The following PCSK5 variants were observed in gnomAD, a reference collection of about 807,000 sequenced individuals.
PCSK5 encodes the protein proprotein convertase subtilisin/kexin type 5.
A neutral mutation model predicts 233.2 loss-of-function variants in PCSK5; 129 were observed. The ratio of observed to expected loss-of-function variants is 0.55; its 90% confidence interval spans 0.48 to 0.64. The LOEUF is 0.64. Ranked by LOEUF, PCSK5 falls within the 30% of genes least tolerant of loss-of-function variation. The pLI, the probability that PCSK5 is intolerant of heterozygous loss-of-function variation, is 0.00. For missense variants in PCSK5, 2,076 were observed against 2,430.1 expected (o/e 0.85, Z 3.06); for synonymous variants, 825 against 879.2 (o/e 0.94, Z 1.09).
intron 3 of PCSK5, among the ~76,000 whole-genome samples, chr9:76,009,689 T>C (rs1827645710): frequency 6.6e-6 from 1 of 151,334 alleles, no homozygotes; most frequent in Admixed American, 6.6e-5. Flanking sequence ...AGGTGGAGTG[T>C]ATATATATAT....
intron 9 of PCSK5, among the ~76,000 whole-genome samples, chr9:76,109,472 A>G (rs1301386080): frequency 6.6e-6 from 1 of 150,884 alleles, no homozygotes; most frequent in Non-Finnish European, 1.5e-5. Context: ...TCACGATTTA[A>G]GCTGAAATGC....
chr9:76,189,055 G>A, intron 18 of PCSK5, 39 bp from the exon 19 acceptor site: 11 of 1,604,422 alleles, frequency 6.9e-6, no homozygotes, highest in Non-Finnish European at 9.4e-6. Flanking sequence ...CTCCTCTGAG[G>A]TTTTATTTCT....
chr9:75,994,301 A>G (rs1587471810), intron 3 of PCSK5, among the ~76,000 whole-genome samples: 1 of 148,562 alleles, frequency 6.7e-6, no homozygotes, highest in South Asian at 2.2e-4. Context: ...CTTCCCCACC[A>G]CTACCTTTAG....
rs11324176 is a variant in PCSK5, at chr9:76,083,204, C to CAA, written c.894+11328_894+11329dup. Among the ~76,000 whole-genome samples, 553 of 74,768 alleles carry CAA rather than the reference C, an allele frequency of 7.4e-3. 1 individual carries two copies. Among genetic ancestry groups the CAA allele is most frequent in the African/African-American group, 0.012 (238 of 19,396 alleles). 49.1% of individuals were successfully genotyped at this position (74,768 alleles called of 152,430 possible). A position where few individuals can be genotyped will look rare whatever the true frequency, so the allele number is the denominator to read the frequency against. ...AGCCTGGGCAACAGAAGCGAGATCT[C>CAA]AAAAAAAAAAAAAAAAAAAAAAAGA... On this transcript the variant is annotated intron_variant, in intron 7 of 37. Transcript: ENST00000674117.
chr9:75,931,396 G>A (rs568142712), intron 1 of PCSK5, among the ~76,000 whole-genome samples: 1 of 152,210 alleles, frequency 6.6e-6, no homozygotes, highest in East Asian at 1.9e-4. Context: ...AAGCATGTGA[G>A]TGTCAAAGAA....
intron 8 of PCSK5, among the ~76,000 whole-genome samples, chr9:76,103,583 A>T (rs1831852756): frequency 6.6e-6 from 1 of 152,232 alleles, no homozygotes; most frequent in Non-Finnish European, 1.5e-5. Flanking sequence ...AGAAAAAGTG[A>T]TGGTTCATCT....
Position 76,173,496 on chromosome 9 carries a change from C to CTTTTTTTTTTTTTTTTTTTTTTTTTT in PCSK5, c.1757-1479_1757-1454dup, listed in dbSNP as rs59248860. Among the ~76,000 whole-genome samples, 116 of 60,992 alleles carry CTTTTTTTTTTTTTTTTTTTTTTTTTT rather than the reference C, an allele frequency of 1.9e-3. 21 individuals carry two copies. The highest frequency in any genetic ancestry group is 2.9e-3 in the Non-Finnish European group (88 of 30,122). 40.0% of individuals were successfully genotyped at this position (60,992 alleles called of 152,430 possible). On this transcript the variant is annotated intron_variant, in intron 13 of 37. Coordinates refer to ENST00000674117, the MANE Select transcript of PCSK5 (RefSeq NM_001372043.1). Reference sequence around the variant, plus strand: ...CTTTAATGAAATGGAGGCACGTTTCCTTTTTTTTTTTTTTTTTTTTTTTTT... The same window carrying CTTTTTTTTTTTTTTTTTTTTTTTTTT: ...CTTTAATGAAATGGAGGCACGTTTCCTTTTTTTTTTTTTTTTTTTTTTTTTTTTTTTTTTTTTTTTTTTTTTTTTTT...
intron 1 of PCSK5, among the ~76,000 whole-genome samples, chr9:75,900,644 A>C (rs1189478524): frequency 7.1e-6 from 1 of 140,394 alleles, no homozygotes; most frequent in East Asian, 2.1e-4. Context: ...ATGCCACTGC[A>C]CTCCAGCCTG....
intron 5 of PCSK5, among the ~76,000 whole-genome samples, chr9:76,052,447 C>T (rs758558409): frequency 5.9e-5 from 9 of 152,168 alleles, no homozygotes; most frequent in Non-Finnish European, 1.0e-4. Flanking sequence ...TGGCAACAGG[C>T]AAGAGAGTGT....
intron 34 of PCSK5, among the ~76,000 whole-genome samples, chr9:76,334,920 A>G (rs761101389): frequency 2.0e-5 from 3 of 152,102 alleles, no homozygotes; most frequent in Non-Finnish European, 4.4e-5. Context: ...TCTATTAACA[A>G]TACAAAAATT....
At chr9:76,263,321 A>G (rs1827237259) in intron 24 of PCSK5, among the ~76,000 whole-genome samples, 1 of 152,222 alleles carries the variant, frequency 6.6e-6, no homozygotes, top group South Asian at 2.1e-4. Flanking sequence ...ATAAAGACAC[A>G]TGCACACGTA....
At chr9:76,241,028 A>G (rs912041740) in intron 24 of PCSK5, among the ~76,000 whole-genome samples, 1 of 152,228 alleles carries the variant, frequency 6.6e-6, no homozygotes, top group Non-Finnish European at 1.5e-5. Flanking sequence ...TCAAGGTGAC[A>G]CATTTGGAAG....
At chr9:76,037,501 A>C (rs1828914386) in intron 5 of PCSK5, among the ~76,000 whole-genome samples, 1 of 152,210 alleles carries the variant, frequency 6.6e-6, no homozygotes, top group Non-Finnish European at 1.5e-5. Context: ...ATAAGGTTTT[A>C]GTCTAATTCT....
intron 16 of PCSK5, among the ~76,000 whole-genome samples, chr9:76,183,004 C>G (rs1310319101): frequency 6.6e-6 from 1 of 152,156 alleles, no homozygotes; most frequent in Non-Finnish European, 1.5e-5. Flanking sequence ...TGGGTAAGGA[C>G]TCTGCCTTTC....
intron 32 of PCSK5, among the ~76,000 whole-genome samples, 194 bp downstream of exon 32, chr9:76,323,482 C>T (rs901629777): frequency 1.3e-5 from 2 of 152,134 alleles, no homozygotes; most frequent in Non-Finnish European, 2.9e-5. Context: ...CTCCTGGGCT[C>T]AAGTGATCCT....
In PCSK5 at chr9:75,994,396, CTTTCTTTTTTTTTTTTTTTTTTTTTTTT is replaced by C. The variant is rs1269104886; in HGVS notation, c.411+8155_411+8182del. Among the ~76,000 whole-genome samples the C allele has an allele frequency of 7.3e-4, 50 of 68,326 alleles. 2 individuals are homozygous for C. The highest frequency in any genetic ancestry group is 2.4e-3 in the African/African-American group (44 of 18,544). 44.8% of individuals were successfully genotyped at this position (68,326 alleles called of 152,430 possible). ...CCCAGTTTCTTTCTTTTCTTTCTTTCTTTCTTTTTTTTTTTTTTTTTTTTTTTTTTTTTTTTTTTTTTTTTTGAGATGG... is the reference window on the plus strand; with the variant it reads ...CCCAGTTTCTTTCTTTTCTTTCTTTCTTTTTTTTTTTTTTTTTTGAGATGG... On this transcript the variant is annotated intron_variant, in intron 3 of 37. Coordinates refer to ENST00000674117, the MANE Select transcript of PCSK5 (RefSeq NM_001372043.1).
At chr9:75,989,217 A>G (rs1826658999) in intron 3 of PCSK5, among the ~76,000 whole-genome samples, 2 of 152,178 alleles carry the variant, frequency 1.3e-5, no homozygotes, top group South Asian at 4.1e-4. Flanking sequence ...CCTCAACTGT[A>G]ACATAAAAGT....
intron 12 of PCSK5, among the ~76,000 whole-genome samples, chr9:76,166,726 T>A (rs1464084838): frequency 1.3e-5 from 2 of 152,242 alleles, no homozygotes; most frequent in African/African-American, 4.8e-5. Context: ...AATGGCACCA[T>A]GGCCTCAACG....
intron 36 of PCSK5, 101 bp from the exon 37 acceptor site, chr9:76,353,932 A>T (rs965581862): frequency 1.2e-6 from 1 of 821,038 alleles, no homozygotes; most frequent in Non-Finnish European, 1.9e-6. Flanking sequence ...TCCCCCACAC[A>T]TCTCCCTCCT....
Sources: gnomAD v4.1 joint callset for allele counts (sites outside exome capture counted in the v4.1 genomes callset) on GRCh38, gnomAD v4.1.1 for gene constraint, MANE v1.5 for transcripts, NCBI Gene and HGNC (gene_info 2026-07-23, HGNC 2026-07-21) for gene names.